Variants in MAP3K8 observed in about 807,000 individuals in gnomAD.
The protein encoded by MAP3K8 is Ewing sarcoma transformant.
A neutral mutation model predicts 45.8 loss-of-function variants in MAP3K8; 22 were observed. That is an observed-to-expected ratio of 0.48 (90% CI 0.34 to 0.69). The LOEUF is 0.69. Among genes scored for constraint, MAP3K8 ranks in the 30% least tolerant of loss-of-function variants. The pLI is 0.01. For missense variants in MAP3K8, 419 were observed against 585.0 expected (o/e 0.72, Z 2.93); for synonymous variants, 223 against 214.3 (o/e 1.04, Z -0.36).
rs964229304 is a variant in MAP3K8, at chr10:30,437,157, T to G, written c.-254-19T>G. On this transcript the variant is annotated intron_variant, in intron 1 of 8. Transcript: ENST00000263056. ...TAGGTTTCTGCCTTTTTTTTCTCTC[T>G]CTTTATGTCTTGTTTTAGATGCAAT... The G allele has an allele frequency of 2.0e-6, 2 of 985,090 alleles. No homozygotes were observed. The allele number at this position is 985,090 out of a possible 1,614,324, so 61.0% of individuals were successfully genotyped here.
chr10:30,458,277 G>GGGGGGGGGGGGGGGGGGGGGGC, intron 7 of MAP3K8, 41 bp downstream of exon 7: 1 of 1,349,978 alleles, frequency 7.4e-7, no homozygotes, highest in Non-Finnish European at 9.9e-7. Context: ...GCGGGGGGGG[G>GGGGGGGGGGGGGGGGGGGGGGC]CGTTGAGTTA....
chr10:30,445,728 G>T (rs568318589), intron 3 of MAP3K8, among the ~76,000 whole-genome samples: 1 of 152,348 alleles, frequency 6.6e-6, no homozygotes, highest in Admixed American at 6.5e-5. Context: ...ACTTATTCAT[G>T]TTAGCTCTAG....
intron 1 of MAP3K8, chr10:30,434,878 GC>G: frequency 1.4e-6 from 1 of 708,854 alleles, no homozygotes; most frequent in Non-Finnish European, 1.7e-6. Context: ...GGTTGGCGGA[GC>G]CCAGAGACTT....
intron 2 of MAP3K8, among the ~76,000 whole-genome samples, chr10:30,438,564 G>T (rs1835987248): frequency 6.6e-6 from 1 of 152,218 alleles, no homozygotes; most frequent in South Asian, 2.1e-4. Context: ...AAGCCCTAAA[G>T]AGCCGGTAGC....
intron 7 of MAP3K8, 41 bp downstream of exon 7, chr10:30,458,277 G>GGT: frequency 1.5e-6 from 2 of 1,349,976 alleles, no homozygotes; most frequent in Admixed American, 2.6e-5. Flanking sequence ...GCGGGGGGGG[G>GGT]CGTTGAGTTA....
chr10:30,442,352 T>G (rs8176982), intron 3 of MAP3K8, among the ~76,000 whole-genome samples: 5,106 of 152,258 alleles, frequency 0.034, 283 homozygotes, highest in African/African-American at 0.12. Context: ...AGTGTTGAGT[T>G]GGAGTCAGCT....
intron 3 of MAP3K8, among the ~76,000 whole-genome samples, chr10:30,447,337 A>G (rs1414564870): frequency 6.6e-6 from 1 of 152,174 alleles, no homozygotes; most frequent in Non-Finnish European, 1.5e-5. Flanking sequence ...CATGATCATC[A>G]GTTAATTTTG....
intron 3 of MAP3K8, among the ~76,000 whole-genome samples, chr10:30,444,427 C>T (rs1836238822): frequency 6.6e-6 from 1 of 151,872 alleles, no homozygotes; most frequent in East Asian, 1.9e-4. Flanking sequence ...CGCCCCATTG[C>T]ACTCCAGCCT....
rs758755281 is a variant in MAP3K8, at chr10:30,458,276, G to C, written c.1026+40G>C. ...ACCAGGGCTGGGGGCGGCGGGGGGGGGCGTTGAGTTATGCATCCCGCAGGC... is the reference window on the plus strand; with the variant it reads ...ACCAGGGCTGGGGGCGGCGGGGGGGCGCGTTGAGTTATGCATCCCGCAGGC... On this transcript the variant is annotated intron_variant, in intron 7 of 8. Coordinates refer to ENST00000263056, the MANE Select transcript of MAP3K8 (RefSeq NM_005204.4). 1.4e-5 allele frequency: 19 copies of C among 1,358,684 alleles called. 1 individual carries two copies. In the East Asian group the frequency reaches 1.7e-4, roughly 12 times the overall value. The allele number at this position is 1,358,684 out of a possible 1,614,324, so 84.2% of individuals were successfully genotyped here. A position where few individuals can be genotyped will look rare whatever the true frequency, so the allele number is the denominator to read the frequency against.
intron 3 of MAP3K8, 40 bp downstream of exon 3, chr10:30,439,314 C>T (rs1836018349): frequency 6.2e-7 from 1 of 1,607,516 alleles, no homozygotes; most frequent in South Asian, 1.1e-5. Context: ...ATGTGCTCAG[C>T]TTTCCTACTG....
intron 1 of MAP3K8, among the ~76,000 whole-genome samples, chr10:30,436,153 T>C (rs1835902620): frequency 6.6e-6 from 1 of 152,252 alleles, no homozygotes; most frequent in African/African-American, 2.4e-5. Flanking sequence ...GGACTTTTAT[T>C]GTAAACTGTG....
chr10:30,444,131 A>T (rs1836222285), intron 3 of MAP3K8, among the ~76,000 whole-genome samples: 1 of 151,948 alleles, frequency 6.6e-6, no homozygotes, highest in Non-Finnish European at 1.5e-5. Context: ...TTGAAGCTGC[A>T]GTGAGCTGTG....
chr10:30,457,035 G>A (rs1836754438), intron 6 of MAP3K8, among the ~76,000 whole-genome samples: 3 of 151,744 alleles, frequency 2.0e-5, no homozygotes, highest in Non-Finnish European at 2.9e-5. Context: ...AGTGAACCGA[G>A]ATCGCACCAT....
chr10:30,434,816 C>T, intron 1 of MAP3K8: 5 of 973,374 alleles, frequency 5.1e-6, no homozygotes, highest in Non-Finnish European at 6.1e-6. Context: ...AATTTATAAG[C>T]CTTTTAGGCT....
At position 30,451,638 on chromosome 10, in the gene MAP3K8, C is replaced by G; in HGVS notation, c.767C>G (p.Pro256Arg). Residue 256 changes from proline to arginine, a missense_variant and splice_region_variant, in exon 6 of 9, where the codon CCT becomes CGT. By Grantham distance (103) the Pro-to-Arg change is moderately radical. Transcript: ENST00000263056. The stretch of plus-strand genomic sequence containing the variant: ...TTAAAAATATTTCCTCTCATTTTAG[C>G]TAGCAACATTGTTTTCATGTCCACA... ...SKKVIHHDIK[P>R]SNIVFMSTKA... The G allele has an allele frequency of 6.4e-7, 1 of 1,568,226 alleles. No individual in the cohort carries two copies. Among genetic ancestry groups the G allele is most frequent in the Non-Finnish European group, 8.7e-7 (1 of 1,150,654 alleles).
intron 8 of MAP3K8, 106 bp from the exon 9 acceptor site, chr10:30,460,600 A>T (rs1223220323): frequency 4.6e-6 from 4 of 874,060 alleles, no homozygotes; most frequent in Non-Finnish European, 6.9e-6. Context: ...CACGCTTAAG[A>T]CACTGTTTTA....
chr10:30,453,567 A>G (rs1836623647), intron 6 of MAP3K8, among the ~76,000 whole-genome samples: 1 of 152,204 alleles, frequency 6.6e-6, no homozygotes, highest in Non-Finnish European at 1.5e-5. Flanking sequence ...TGACTGGGTG[A>G]TTCAATTAGC....
intron 4 of MAP3K8, among the ~76,000 whole-genome samples, chr10:30,449,488 A>AT (rs1397160658): frequency 6.6e-6 from 1 of 152,154 alleles, no homozygotes; most frequent in Admixed American, 6.5e-5. Context: ...TGGACCCATC[A>AT]TTTTTACACT....
chr10:30,457,406 TA>T (rs1836774833), intron 6 of MAP3K8, among the ~76,000 whole-genome samples: 1 of 152,250 alleles, frequency 6.6e-6, no homozygotes, highest in African/African-American at 2.4e-5. Context: ...GTTAATACCC[TA>T]TAGACTTCTA....
Sources: allele counts gnomAD v4.1 joint callset (sites outside exome capture counted in the v4.1 genomes callset), GRCh38; gene constraint gnomAD v4.1.1; transcripts MANE v1.5; gene names NCBI Gene and HGNC (gene_info 2026-07-23, HGNC 2026-07-21).